The following PDE4B variants were observed in gnomAD, a reference collection of about 807,000 sequenced individuals.
The protein encoded by PDE4B is phosphodiesterase 4B, also known as 3',5'-cyclic-AMP phosphodiesterase 4B.
Under a neutral mutation model 82.2 loss-of-function variants are expected in PDE4B, and 20 were observed. The ratio of observed to expected loss-of-function variants is 0.24; its 90% CI spans 0.17 to 0.35. PDE4B has a LOEUF of 0.35. Ranked by LOEUF, PDE4B falls within the 10% of genes least tolerant of loss-of-function variation. The pLI is 1.00. For synonymous variants in PDE4B, 320 were observed against 318.9 expected, an observed-to-expected ratio of 1.00 and a Z score of -0.04; for missense variants, 655 against 907.2, an observed-to-expected ratio of 0.72 and a Z score of 3.57.
At chr1:65,872,132 G>T (rs191375519) in intron 1 of PDE4B, among the ~76,000 whole-genome samples, 203 of 152,198 alleles carry the variant, frequency 1.3e-3, no homozygotes, top group African/African-American at 4.6e-3. Flanking sequence ...CAAACTCACA[G>T]GTTTTTCCCC....
intron 3 of PDE4B, among the ~76,000 whole-genome samples, chr1:66,187,921 G>A (rs1467460554): frequency 6.6e-6 from 1 of 151,216 alleles, no homozygotes; most frequent in Non-Finnish European, 1.5e-5. Flanking sequence ...TTTTAATTGT[G>A]ATGTTGGGGT....
At chr1:66,160,393 G>A (rs1035325416) in intron 3 of PDE4B, among the ~76,000 whole-genome samples, 1 of 152,138 alleles carries the variant, frequency 6.6e-6, no homozygotes, top group Admixed American at 6.5e-5. Context: ...AATTGCAGGA[G>A]CTCTACATAG....
chr1:65,884,774 C>T (rs895019780), intron 1 of PDE4B, among the ~76,000 whole-genome samples: 1 of 152,156 alleles, frequency 6.6e-6, no homozygotes, highest in African/African-American at 2.4e-5. Flanking sequence ...AAAACCTAGG[C>T]AATACCATTC....
At chr1:66,151,178 T>C (rs1646386024) in intron 3 of PDE4B, among the ~76,000 whole-genome samples, 1 of 152,202 alleles carries the variant, frequency 6.6e-6, no homozygotes, top group Non-Finnish European at 1.5e-5. Flanking sequence ...CTTTTCATTG[T>C]TGGGTGTTTC....
chr1:66,345,496 T>C (rs1010473015), intron 8 of PDE4B, among the ~76,000 whole-genome samples: 11 of 152,338 alleles, frequency 7.2e-5, no homozygotes, highest in South Asian at 2.1e-4. Context: ...TTTTTACTGA[T>C]ATCTTTCATT....
At chr1:66,096,761 A>T (rs188608387) in intron 3 of PDE4B, among the ~76,000 whole-genome samples, 104 of 151,544 alleles carry the variant, frequency 6.9e-4, no homozygotes, top group African/African-American at 2.5e-3. Context: ...ACTTCTAAAA[A>T]CTTATTCCTT....
chr1:66,227,317 T>C lies in PDE4B; in HGVS notation c.282-20143T>C, dbSNP rs1651533856. On this transcript the variant is annotated intron_variant, in intron 3 of 16. Transcript: ENST00000341517. The stretch of plus-strand genomic sequence containing the variant: ...GTTCAGGAGTAAAAAGATCTTTGCT[T>C]GAATCCAGTTTTTGATGCTTAACAG... 2.0e-5 allele frequency among the ~76,000 whole-genome samples: 3 copies of C among 152,180 alleles called. No individual in the cohort carries two copies. In the South Asian group the frequency reaches 6.2e-4, roughly 32 times the overall value.
chr1:66,204,836 G>A (rs1240727786), intron 3 of PDE4B, among the ~76,000 whole-genome samples: 1 of 152,164 alleles, frequency 6.6e-6, no homozygotes, highest in Non-Finnish European at 1.5e-5. Context: ...CTCGCTCACG[G>A]TGTGCTGCAC....
intron 3 of PDE4B, among the ~76,000 whole-genome samples, chr1:66,149,260 G>A (rs1232035891): frequency 6.6e-6 from 1 of 151,936 alleles, no homozygotes; most frequent in Non-Finnish European, 1.5e-5. Context: ...ATGGCCATCT[G>A]TTTATATTTT....
Position 66,372,302 on chromosome 1 carries a change from T to G in PDE4B, c.1846-11T>G, listed in dbSNP as rs762864672. 1 of 1,590,374 alleles carries G rather than the reference T, an allele frequency of 6.3e-7. No homozygotes were observed. Among genetic ancestry groups the G allele is most frequent in the Admixed American group, 1.8e-5 (1 of 57,068 alleles). On this transcript the variant is annotated splice_polypyrimidine_tract_variant and intron_variant, in intron 16 of 16. Coordinates refer to ENST00000341517, the MANE Select transcript of PDE4B (RefSeq NM_002600.4). ...TCACAATAACAGATGTGTCATCTTA[T>G]TTTTCTCCAGGTTGGTTTCATCGAC...
intron 3 of PDE4B, among the ~76,000 whole-genome samples, chr1:66,134,489 A>G (rs1338251113): frequency 6.6e-6 from 1 of 152,072 alleles, no homozygotes; most frequent in Non-Finnish European, 1.5e-5. Flanking sequence ...TGTATGCCTT[A>G]TTTTACATAT....
At chr1:65,836,544 CG>C (rs1404821784) in intron 1 of PDE4B, among the ~76,000 whole-genome samples, 1 of 152,122 alleles carries the variant, frequency 6.6e-6, no homozygotes, top group Non-Finnish European at 1.5e-5. Flanking sequence ...AGGTAAACAC[CG>C]GGGCATCCTA....
rs1000263568 is a variant in PDE4B, at chr1:66,354,814, A to T, written c.748-713A>T. On this transcript the variant is annotated intron_variant, in intron 8 of 16. Transcript: ENST00000341517. ...CAGAACTGTGAATTCTTTCAAAGGGATTTGTGGATTGTGGCAAGGAGAGCA... is the reference window on the plus strand; with the variant it reads ...CAGAACTGTGAATTCTTTCAAAGGGTTTTGTGGATTGTGGCAAGGAGAGCA... 32 of 1,535,182 alleles carry T rather than the reference A, an allele frequency of 2.1e-5. No homozygotes were observed. In the Admixed American group the frequency reaches 6.3e-4, roughly 30 times the overall value.
intron 3 of PDE4B, among the ~76,000 whole-genome samples, chr1:66,137,580 G>A (rs142898455): frequency 0.01 from 1,524 of 152,274 alleles, 29 homozygotes; most frequent in African/African-American, 0.034. Flanking sequence ...TGGAATCTGT[G>A]ATTCAGAACA....
intron 3 of PDE4B, among the ~76,000 whole-genome samples, chr1:66,135,641 C>A (rs936486499): frequency 6.6e-6 from 1 of 152,068 alleles, no homozygotes; most frequent in Admixed American, 6.6e-5. Flanking sequence ...CTATGTGAGG[C>A]ATTCAGTTTG....
intron 3 of PDE4B, among the ~76,000 whole-genome samples, chr1:65,978,775 C>T (rs534281638): frequency 6.6e-5 from 10 of 152,236 alleles, no homozygotes; most frequent in Non-Finnish European, 1.3e-4. Context: ...CCATAAATCT[C>T]CTTGACAACA....
chr1:66,222,282 G>A (rs752060990), intron 3 of PDE4B, among the ~76,000 whole-genome samples: 1 of 152,158 alleles, frequency 6.6e-6, no homozygotes, highest in Non-Finnish European at 1.5e-5. Flanking sequence ...TCATTGGCCA[G>A]GACTTAATCA....
chr1:66,229,552 G>A (rs1438536075), intron 3 of PDE4B, among the ~76,000 whole-genome samples: 2 of 152,184 alleles, frequency 1.3e-5, no homozygotes, highest in Non-Finnish European at 2.9e-5. Flanking sequence ...ATAGACATGG[G>A]GGTTCATAAC....
intron 3 of PDE4B, among the ~76,000 whole-genome samples, chr1:66,171,033 G>T (rs956779544): frequency 6.6e-6 from 1 of 152,182 alleles, no homozygotes. Flanking sequence ...TACCTGGCAT[G>T]ATACTTTCGG....
Sources: gnomAD v4.1 joint callset for allele counts (sites outside exome capture counted in the v4.1 genomes callset) on GRCh38, gnomAD v4.1.1 for gene constraint, MANE v1.5 for transcripts, NCBI Gene and HGNC (gene_info 2026-07-23, HGNC 2026-07-21) for gene names.